Variants in CFAP61 observed in about 807,000 individuals in gnomAD.
The protein encoded by CFAP61 is cilia- and flagella-associated protein 61.
In CFAP61, 107 loss-of-function variants were observed where a neutral mutation model predicts 135.6. The observed-to-expected ratio is 0.79, with a 90% CI of 0.67 to 0.93. The LOEUF (loss-of-function observed/expected upper bound fraction) is 0.93. Among genes scored for constraint, CFAP61 ranks in the 40% least tolerant of loss-of-function variants. The pLI is 0.00. For synonymous variants in CFAP61, 575 were observed against 578.5 expected, an observed-to-expected ratio of 0.99 and a Z score of 0.09; for missense variants, 1,507 against 1,556.2, an observed-to-expected ratio of 0.97 and a Z score of 0.53.
At chr20:20,210,004 G>C (rs1468015139) in intron 17 of CFAP61, among the ~76,000 whole-genome samples, 1 of 152,134 alleles carries the variant, frequency 6.6e-6, no homozygotes, top group Admixed American at 6.5e-5. Context: ...GTGTGGCCTT[G>C]TGTTCCCTGG....
At chr20:20,090,182 A>G (rs765048896) in intron 6 of CFAP61, among the ~76,000 whole-genome samples, 1 of 152,114 alleles carries the variant, frequency 6.6e-6, no homozygotes, top group Non-Finnish European at 1.5e-5. Context: ...ACACATGCCA[A>G]CTGTGTTCCC....
intron 17 of CFAP61, among the ~76,000 whole-genome samples, chr20:20,204,895 C>CT: frequency 6.6e-6 from 1 of 152,282 alleles, no homozygotes; most frequent in East Asian, 1.9e-4. Flanking sequence ...CAGCCAGTTC[C>CT]TATGTGTTTA....
intron 18 of CFAP61, among the ~76,000 whole-genome samples, chr20:20,241,899 A>G (rs2050036421): frequency 6.6e-6 from 1 of 152,114 alleles, no homozygotes; most frequent in South Asian, 2.1e-4. Flanking sequence ...TGTGACCTTT[A>G]TGTTATTTGA....
intron 25 of CFAP61, among the ~76,000 whole-genome samples, chr20:20,303,643 G>A (rs1247825782): frequency 6.6e-6 from 1 of 152,096 alleles, no homozygotes; most frequent in Non-Finnish European, 1.5e-5. Context: ...CTCTTTCCAA[G>A]CAGGGTGAAT....
At position 20,169,276 on chromosome 20, in the gene CFAP61, A is replaced by G. The variant is rs375935478; in HGVS notation, c.1246-45A>G. ...TTTAGAGGAATTTGTTTTTTGATTA[A>G]TTTTTTTTATTCTTTCTCTGTGTCC... is the stretch of plus-strand genomic sequence containing the variant. On this transcript the variant is annotated intron_variant, in intron 12 of 26. Transcript: ENST00000245957. 1,206 of 1,543,772 alleles carry G rather than the reference A, an allele frequency of 7.8e-4. 3 individuals carry two copies. Among genetic ancestry groups the G allele is most frequent in the Non-Finnish European group, 1.0e-3 (1,152 of 1,138,106 alleles).
At chr20:20,357,236 C>T (rs1409435173) in intron 26 of CFAP61, among the ~76,000 whole-genome samples, 15 of 32,936 alleles carry the variant, frequency 4.6e-4, no homozygotes, top group South Asian at 1.5e-3. Context: ...GGTCATACTG[C>T]GAGTGGAGGT....
chr20:20,082,593 C>T (rs191092158), intron 6 of CFAP61, among the ~76,000 whole-genome samples: 17 of 152,266 alleles, frequency 1.1e-4, no homozygotes, highest in Middle Eastern at 3.4e-3. Flanking sequence ...TCAAGTCCTC[C>T]TGGGGCTGGG....
At chr20:20,349,975 T>C (rs190735891) in intron 26 of CFAP61, among the ~76,000 whole-genome samples, 1 of 152,338 alleles carries the variant, frequency 6.6e-6, no homozygotes, top group Non-Finnish European at 1.5e-5. Flanking sequence ...AACTCACATT[T>C]TCTTACTACA....
chr20:20,289,858 T>C (rs926069657), intron 23 of CFAP61, among the ~76,000 whole-genome samples: 2 of 152,262 alleles, frequency 1.3e-5, no homozygotes, highest in Non-Finnish European at 1.5e-5. Context: ...AATGACAGTT[T>C]CTAAAACATT....
intron 7 of CFAP61, among the ~76,000 whole-genome samples, chr20:20,093,576 A>G (rs570811335): frequency 6.6e-6 from 1 of 151,728 alleles, no homozygotes; most frequent in Non-Finnish European, 1.5e-5. Context: ...CTGGGATTAC[A>G]TGCATGTGCC....
At chr20:20,213,183 CCA>C (rs2047787260) in intron 17 of CFAP61, among the ~76,000 whole-genome samples, 1 of 152,196 alleles carries the variant, frequency 6.6e-6, no homozygotes, top group South Asian at 2.1e-4. Context: ...AGACACGCCT[CCA>C]CACACACTCA....
At chr20:20,122,597 A>C (rs2049742969) in intron 8 of CFAP61, among the ~76,000 whole-genome samples, 1 of 152,200 alleles carries the variant, frequency 6.6e-6, no homozygotes. Flanking sequence ...AATGCTGTTA[A>C]TTCATTCCTC....
chr20:20,052,918 A>ATT (rs2043870189), intron 1 of CFAP61, among the ~76,000 whole-genome samples: 1 of 92,578 alleles, frequency 1.1e-5, no homozygotes, highest in Non-Finnish European at 2.2e-5. Context: ...GTTGTGCCCA[A>ATT]ATAATTCTAA....
chr20:20,227,796 G>C (rs1013227143), intron 17 of CFAP61, among the ~76,000 whole-genome samples: 2 of 152,194 alleles, frequency 1.3e-5, no homozygotes, highest in African/African-American at 4.8e-5. Flanking sequence ...AATTGAACAT[G>C]AGCTAAAACT....
chr20:20,304,172 C>A lies in CFAP61; in HGVS notation c.3422+5786C>A, dbSNP rs139878404. On this transcript the variant is annotated intron_variant, in intron 25 of 26. Transcript: ENST00000245957. The stretch of plus-strand genomic sequence containing the variant: ...GCGAAGTGTCTGCGGCCCAGGCTGG[C>A]TTGGATTCCACCTATATTTTATTCT... 6.8e-4 allele frequency among the ~76,000 whole-genome samples: 104 copies of A among 152,170 alleles called. 3 individuals carry two copies. The highest frequency in any genetic ancestry group is 2.2e-3 in the African/African-American group (92 of 41,526).
intron 24 of CFAP61, among the ~76,000 whole-genome samples, chr20:20,290,899 A>C (rs774025840): frequency 9.9e-5 from 15 of 152,218 alleles, no homozygotes; most frequent in Non-Finnish European, 1.6e-4. Flanking sequence ...AAAGGCCTTG[A>C]GCCAGAACTC....
At chr20:20,212,048 A>G (rs1015323943) in intron 17 of CFAP61, among the ~76,000 whole-genome samples, 3 of 152,212 alleles carry the variant, frequency 2.0e-5, no homozygotes, top group South Asian at 2.1e-4. Flanking sequence ...ATAGAATTAT[A>G]TATCACAAGT....
At chr20:20,351,904 T>C (rs1471749992) in intron 26 of CFAP61, among the ~76,000 whole-genome samples, 1 of 151,552 alleles carries the variant, frequency 6.6e-6, no homozygotes, top group African/African-American at 2.4e-5. Flanking sequence ...TTAAAAATCA[T>C]ATGGAACCAC....
At chr20:20,338,656 A>G (rs1321447962) in intron 25 of CFAP61, among the ~76,000 whole-genome samples, 2 of 151,976 alleles carry the variant, frequency 1.3e-5, no homozygotes, top group Non-Finnish European at 2.9e-5. Flanking sequence ...CACCTTTACC[A>G]CTTCTCTTTC....
Sources: gnomAD v4.1 joint callset for allele counts (sites outside exome capture counted in the v4.1 genomes callset) on GRCh38, gnomAD v4.1.1 for gene constraint, MANE v1.5 for transcripts, NCBI Gene and HGNC (gene_info 2026-07-23, HGNC 2026-07-21) for gene names.